Variants in GNL3L observed in about 807,000 individuals in gnomAD.
GNL3L encodes the protein G protein nucleolar 3 like, also known as guanine nucleotide-binding protein-like 3-like protein.
A neutral mutation model predicts 42.9 loss-of-function variants in GNL3L; 4 were observed. That is an observed-to-expected ratio of 0.09 (90% CI 0.05 to 0.21). The LOEUF (loss-of-function observed/expected upper bound fraction) is 0.21. Ranked by LOEUF, GNL3L falls within the 10% of genes least tolerant of loss-of-function variation. The pLI, the probability that GNL3L is intolerant of heterozygous loss-of-function variation, is 1.00. For synonymous variants in GNL3L, 159 were observed against 176.3 expected (o/e 0.90, Z 0.78); for missense variants, 412 against 481.7 (o/e 0.86, Z 1.36).
In GNL3L at chrX:54,552,443, G is replaced by A. The variant is rs1333628822; in HGVS notation, c.1318+15G>A. The A allele has an allele frequency of 4.1e-6, 5 of 1,205,265 alleles. No homozygotes were observed. The highest frequency in any genetic ancestry group is 5.9e-5 in the East Asian group (2 of 33,757). ...CACCATGGAATGTAAGTGTGGGCAG[G>A]GTGGGTGCACTTGGTCTTGCACTAG... On this transcript the variant is annotated intron_variant, in intron 13 of 15. Coordinates refer to ENST00000360845, the MANE Select transcript of GNL3L (RefSeq NM_001184819.2).
At chrX:54,573,815 G>T (rs1925594988) in intron 16 of GNL3L, among the ~76,000 whole-genome samples, 1 of 107,361 alleles carries the variant, frequency 9.3e-6, no homozygotes. Context: ...TTCTCAGTCA[G>T]CTTTGTTGAT....
chrX:54,531,367 C>T (rs1166526897), intron 1 of GNL3L, among the ~76,000 whole-genome samples: 2 of 110,638 alleles, frequency 1.8e-5, no homozygotes, highest in African/African-American at 3.3e-5. Flanking sequence ...TCGCTGATTA[C>T]CTGGCAGTTC....
intron 16 of GNL3L, among the ~76,000 whole-genome samples, chrX:54,594,554 T>TAA (rs556879366): frequency 7.6e-5 from 8 of 104,859 alleles, no homozygotes; most frequent in African/African-American, 2.5e-4. Context: ...TTTTTTTTTT[T>TAA]AAAAAAAAAT....
chrX:54,638,625 A>AT, the GNL3L span, among the ~76,000 whole-genome samples: 7 of 110,970 alleles, frequency 6.3e-5, no homozygotes, highest in Non-Finnish European at 9.4e-5. Context: ...CGCCTGGCTA[A>AT]TTTTTGTATT....
chrX:54,552,550 T>A, intron 13 of GNL3L, 122 bp downstream of exon 13: 1 of 603,021 alleles, frequency 1.7e-6, no homozygotes, highest in Non-Finnish European at 2.6e-6. Flanking sequence ...GCAAGTTGCT[T>A]AAGCAGCTTC....
chrX:54,531,380 T>C (rs1924241091), intron 1 of GNL3L, among the ~76,000 whole-genome samples: 1 of 111,022 alleles, frequency 9.0e-6, no homozygotes, highest in African/African-American at 3.3e-5. Flanking sequence ...GGCAGTTCAG[T>C]GCGTATGGTC....
At chrX:54,626,242 A>AT (rs927439888), downstream of GNL3L, among the ~76,000 whole-genome samples, 2 of 110,520 alleles carry the variant, frequency 1.8e-5, no homozygotes, top group East Asian at 2.8e-4. Context: ...ATGAACTCAA[A>AT]TTTTTTTTAG....
At chrX:54,547,031 C>CT (rs756302810) in intron 8 of GNL3L, among the ~76,000 whole-genome samples, 188 of 96,054 alleles carry the variant, frequency 2.0e-3, no homozygotes, top group African/African-American at 7.0e-3. Flanking sequence ...ACGTCTCACT[C>CT]TATCTCCCAG....
intron 16 of GNL3L, among the ~76,000 whole-genome samples, chrX:54,576,134 ATAT>A (rs1485807153): frequency 1.8e-5 from 2 of 111,681 alleles, no homozygotes; most frequent in Non-Finnish European, 3.8e-5. Flanking sequence ...TGAAGCTTCC[ATAT>A]TATTATTCAG....
intron 16 of GNL3L, among the ~76,000 whole-genome samples, chrX:54,609,365 T>C (rs1288840835): frequency 1.8e-5 from 2 of 112,800 alleles, no homozygotes; most frequent in African/African-American, 6.4e-5. Context: ...AGGTCCCAGC[T>C]ATTCATCTCT....
intron 16 of GNL3L, among the ~76,000 whole-genome samples, chrX:54,618,782 A>T (rs1926252992): frequency 9.0e-6 from 1 of 111,391 alleles, no homozygotes; most frequent in African/African-American, 3.3e-5. Context: ...CTATCATCCC[A>T]GCTACTTGGG....
In GNL3L at chrX:54,558,625, A is replaced by G; in HGVS notation, c.1636A>G (p.Lys546Glu). Reference protein sequence around the residue: ...QQGQALASALKNKKKMQKRAD... With the variant: ...QQGQALASALENKKKMQKRAD... ...GGGCCAGGCTCTGGCATCTGCCCTG[A>G]AAAATAAGAAGAAGATGCAGAAACG... The change falls in exon 15 of 16, where the codon AAA becomes GAA. Residue 546 changes from lysine to glutamate, a missense_variant. Coordinates refer to ENST00000360845, the MANE Select transcript of GNL3L (RefSeq NM_001184819.2). 1 of 1,206,285 alleles carries G rather than the reference A, an allele frequency of 8.3e-7. No individual in the cohort carries two copies. Among genetic ancestry groups the G allele is most frequent in the Non-Finnish European group, 1.1e-6 (1 of 891,718 alleles).
chrX:54,559,017 A>G (rs141682937), intron 15 of GNL3L, among the ~76,000 whole-genome samples: 1,234 of 111,837 alleles, frequency 0.011, 14 homozygotes, highest in African/African-American at 0.039. Flanking sequence ...GCTCCAGTCT[A>G]GGGTTGGGGG....
At chrX:54,624,165 C>T (rs1057343137), downstream of GNL3L, among the ~76,000 whole-genome samples, 5 of 111,554 alleles carry the variant, frequency 4.5e-5, no homozygotes, top group African/African-American at 1.6e-4. Flanking sequence ...AAGCAATTCA[C>T]CCGCCTCGGC....
chrX:54,575,796 G>A (rs1925626792), intron 16 of GNL3L, among the ~76,000 whole-genome samples: 1 of 111,967 alleles, frequency 8.9e-6, no homozygotes, highest in Non-Finnish European at 1.9e-5. Context: ...TGTAATCCCA[G>A]CAACTCGGGA....
At chrX:54,537,398 C>T (rs909643878) in intron 2 of GNL3L, among the ~76,000 whole-genome samples, 2 of 111,076 alleles carry the variant, frequency 1.8e-5, no homozygotes, top group African/African-American at 6.5e-5. Flanking sequence ...AAGGAACTTT[C>T]GTCTGTTATT....
rs1157732202 is a variant in GNL3L, at chrX:54,562,886, C to G, written c.*2284C>G. On this transcript the variant is annotated 3_prime_UTR_variant, in exon 16 of 16. Transcript: ENST00000360845. ...TTGGAACCCAAGCGTGATTAAAACC[C>G]TATGCAGGCCCTTTCCTCTATATTG... Among the ~76,000 whole-genome samples the G allele has an allele frequency of 9.4e-6, 1 of 106,255 alleles. No individual in the cohort carries two copies. The highest frequency in any genetic ancestry group is 1.9e-5 in the Non-Finnish European group (1 of 51,766). 92.3% of individuals were successfully genotyped at this position (106,255 alleles called of 115,157 possible).
intron 2 of GNL3L, among the ~76,000 whole-genome samples, chrX:54,537,591 T>C (rs1401576946): frequency 9.0e-6 from 1 of 111,386 alleles, no homozygotes; most frequent in East Asian, 2.8e-4. Flanking sequence ...ATTTGGTTGT[T>C]AGTGATGTCT....
At chrX:54,593,236 G>A (rs1046390165) in intron 16 of GNL3L, among the ~76,000 whole-genome samples, 8 of 111,847 alleles carry the variant, frequency 7.2e-5, no homozygotes, top group Non-Finnish European at 1.5e-4. Flanking sequence ...GAATTCAGCA[G>A]TGAAGCCTTC....
Sources: allele counts gnomAD v4.1 joint callset (sites outside exome capture counted in the v4.1 genomes callset), GRCh38; gene constraint gnomAD v4.1.1; transcripts MANE v1.5; gene names NCBI Gene and HGNC (gene_info 2026-07-23, HGNC 2026-07-21).